Variants in CMIP observed in about 807,000 individuals in gnomAD.
CMIP encodes c-Maf inducing protein.
Under a neutral mutation model 97.3 loss-of-function variants are expected in CMIP, and 13 were observed. The observed-to-expected ratio is 0.13, with a 90% CI of 0.09 to 0.21. The LOEUF is 0.21. Ranked by LOEUF, CMIP falls within the 10% of genes least tolerant of loss-of-function variation. The pLI, the probability that CMIP is intolerant of heterozygous loss-of-function variation, is 1.00. For missense variants in CMIP, 847 were observed against 1,024.9 expected (o/e 0.83, Z 2.37); for synonymous variants, 538 against 436.3 (o/e 1.23, Z -2.91).
intron 3 of CMIP, among the ~76,000 whole-genome samples, chr16:81,636,496 G>A (rs1347659080): frequency 6.6e-6 from 1 of 150,808 alleles, no homozygotes; most frequent in African/African-American, 2.4e-5. Flanking sequence ...CATGAGAATC[G>A]CTTGAACCCA....
chr16:81,461,946 T>C (rs1906922837), intron 1 of CMIP, among the ~76,000 whole-genome samples: 1 of 152,244 alleles, frequency 6.6e-6, no homozygotes, highest in African/African-American at 2.4e-5. Flanking sequence ...GTGAGCTGCA[T>C]AGGCAGTTCT....
chr16:81,500,571 C>T (rs2089590780), intron 1 of CMIP, among the ~76,000 whole-genome samples: 1 of 151,298 alleles, frequency 6.6e-6, no homozygotes, highest in Non-Finnish European at 1.5e-5. Context: ...TCACTGCAAC[C>T]TCTGCCTCCC....
At chr16:81,641,278 G>T (rs190698075) in intron 3 of CMIP, among the ~76,000 whole-genome samples, 2 of 152,028 alleles carry the variant, frequency 1.3e-5, no homozygotes, top group Non-Finnish European at 2.9e-5. Flanking sequence ...TCTCCCCACT[G>T]CCTGTTCTAC....
chr16:81,662,629 T>C (rs1024910568), intron 6 of CMIP, among the ~76,000 whole-genome samples: 22 of 152,190 alleles, frequency 1.4e-4, no homozygotes, highest in African/African-American at 5.3e-4. Flanking sequence ...GAGGAAAGTT[T>C]ATTCATCTTG....
intron 1 of CMIP, among the ~76,000 whole-genome samples, chr16:81,455,254 A>G (rs1906472912): frequency 6.6e-6 from 1 of 152,112 alleles, no homozygotes; most frequent in Non-Finnish European, 1.5e-5. Context: ...TGCAGCGGCC[A>G]CTCGTGTGAT....
At chr16:81,446,177 A>C (rs1412646896) in intron 1 of CMIP, among the ~76,000 whole-genome samples, 3 of 151,876 alleles carry the variant, frequency 2.0e-5, no homozygotes, top group Non-Finnish European at 4.4e-5. Context: ...GGAATATCTC[A>C]GGACCCAGCG....
At chr16:81,618,749 C>G (rs2091954997) in intron 2 of CMIP, 1 of 152,264 alleles carries the variant, frequency 6.6e-6, no homozygotes, top group South Asian at 2.1e-4. Flanking sequence ...TCCAGAGAGC[C>G]TGATGTTAAG....
chr16:81,676,328 C>T lies in CMIP; in HGVS notation c.1035-1947C>T, dbSNP rs573660117. 1.4e-4 allele frequency among the ~76,000 whole-genome samples: 21 copies of T among 151,868 alleles called. No individual in the cohort carries two copies. In the East Asian group the frequency reaches 3.9e-3, roughly 28 times the overall value. ...CCATGACGCCCCCCTCAGCCAGTCC[C>T]TTCAAGATAAAGTCCGTCATGTCCT... On this transcript the variant is annotated intron_variant, in intron 9 of 20. Transcript: ENST00000537098.
At chr16:81,542,684 C>T (rs139668561) in intron 1 of CMIP, among the ~76,000 whole-genome samples, 55 of 152,190 alleles carry the variant, frequency 3.6e-4, no homozygotes, top group African/African-American at 1.3e-3. Flanking sequence ...TGCAGACAGC[C>T]ACCTTCTCAC....
rs1316561297 is a variant in CMIP, at chr16:81,627,504, C to T, written c.477+6578C>T. Among the ~76,000 whole-genome samples, 1 of 152,038 alleles carries T rather than the reference C, an allele frequency of 6.6e-6. No individual in the cohort carries two copies. The highest frequency in any genetic ancestry group is 2.4e-5 in the African/African-American group (1 of 41,378). On this transcript the variant is annotated intron_variant, in intron 3 of 20. Transcript: ENST00000537098. This position sits in a 1 kb window ranked among gnomAD's most constrained non-coding sequence, Gnocchi z 4.6. The stretch of plus-strand genomic sequence containing the variant: ...TGGCTCGGCCTGTCTCCCTGGCAGC[C>T]CCTTCCAGCCTCCACAGGTGGTCCC...
chr16:81,626,872 CTATTT>C (rs1439554894), intron 3 of CMIP, among the ~76,000 whole-genome samples: 3 of 120,564 alleles, frequency 2.5e-5, no homozygotes, highest in African/African-American at 6.6e-5. Flanking sequence ...TGTGGGGTAA[CTATTT>C]TATGTGTGTG....
At chr16:81,584,385 C>T (rs934146460) in intron 1 of CMIP, among the ~76,000 whole-genome samples, 8 of 152,174 alleles carry the variant, frequency 5.3e-5, no homozygotes, top group Non-Finnish European at 7.3e-5. Flanking sequence ...GAGTCTGAAG[C>T]GTAGGAAGGA....
At position 81,652,343 on chromosome 16, in the gene CMIP, C is replaced by T. The variant is rs746393581; in HGVS notation, c.618C>T (p.Ile206=). 29 of 1,613,570 alleles carry T rather than the reference C, an allele frequency of 1.8e-5. No homozygotes were observed. The highest frequency in any genetic ancestry group is 2.7e-5 in the African/African-American group (2 of 74,898). Residue 206 remains isoleucine (I), a synonymous_variant, in exon 4 of 21, where the codon ATC becomes ATT. Transcript: ENST00000537098. The surrounding 1 kb of genome is among the most constrained non-coding windows in gnomAD (Gnocchi z 5.2). ...CCATCAACCAGGCCCCACTGGAAATCGTCTCGAAACTGCTCTCAGAGGTAA... is the reference window on the plus strand; with the variant it reads ...CCATCAACCAGGCCCCACTGGAAATTGTCTCGAAACTGCTCTCAGAGGTAA... The part of the protein sequence containing the change: ...DDSINQAPLE[I]VSKLLSENTN...
intron 1 of CMIP, among the ~76,000 whole-genome samples, chr16:81,535,349 C>G (rs2090321257): frequency 6.6e-6 from 1 of 152,130 alleles, no homozygotes; most frequent in Admixed American, 6.5e-5. Context: ...CAAATGCTGT[C>G]TGAGAATCTC....
At chr16:81,657,642 GAA>G in intron 4 of CMIP, 131 bp from the exon 5 acceptor site, 2 of 740,272 alleles carry the variant, frequency 2.7e-6, no homozygotes, top group Non-Finnish European at 2.2e-6. Flanking sequence ...GTTTAATTAA[GAA>G]AAAATGACAG....
At chr16:81,599,074 A>G (rs777248190) in intron 1 of CMIP, among the ~76,000 whole-genome samples, 11 of 151,838 alleles carry the variant, frequency 7.2e-5, no homozygotes, top group Non-Finnish European at 1.6e-4. Flanking sequence ...CGGCGTCTGG[A>G]GAATGGTTGG....
intron 1 of CMIP, among the ~76,000 whole-genome samples, chr16:81,462,919 T>C (rs1296179258): frequency 6.6e-6 from 1 of 152,176 alleles, no homozygotes; most frequent in African/African-American, 2.4e-5. Context: ...AAACCCTTGA[T>C]GACCAACGAT....
intron 1 of CMIP, among the ~76,000 whole-genome samples, chr16:81,483,798 A>G (rs2089271234): frequency 6.6e-6 from 1 of 151,848 alleles, no homozygotes; most frequent in Admixed American, 6.6e-5. Flanking sequence ...TGGTTTATAA[A>G]CTCTGCTTCT....
intron 19 of CMIP, among the ~76,000 whole-genome samples, chr16:81,705,935 C>T (rs76954269): frequency 0.014 from 2,099 of 152,284 alleles, 40 homozygotes; most frequent in African/African-American, 0.048. Context: ...ACTGTGGTCC[C>T]CTGACCAGTG....
Sources: gnomAD v4.1 joint callset for allele counts (sites outside exome capture counted in the v4.1 genomes callset) on GRCh38, gnomAD v4.1.1 for gene constraint, Gnocchi (gnomAD v3.1) non-coding constraint, MANE v1.5 for transcripts, NCBI Gene and HGNC (gene_info 2026-07-23, HGNC 2026-07-21) for gene names.